The following DEUP1 variants were observed in gnomAD, a reference collection of about 807,000 sequenced individuals.
DEUP1 encodes coiled-coil domain containing 67.
In DEUP1, 82 loss-of-function variants were observed where a neutral mutation model predicts 87.4. The ratio of observed to expected loss-of-function variants is 0.94; its 90% CI spans 0.78 to 1.13. The LOEUF is 1.13. Among genes scored for constraint, DEUP1 ranks in the 50% most tolerant of loss-of-function variants. The pLI is 0.00. For synonymous variants in DEUP1, 214 were observed against 222.7 expected, an observed-to-expected ratio of 0.96 and a Z score of 0.35; for missense variants, 663 against 681.5, an observed-to-expected ratio of 0.97 and a Z score of 0.30.
chr11:93,408,971 C>T (rs1197379434), intron 12 of DEUP1, among the ~76,000 whole-genome samples: 2 of 151,978 alleles, frequency 1.3e-5, no homozygotes, highest in Non-Finnish European at 2.9e-5. Flanking sequence ...ATTCTCATGC[C>T]TCAGCCTCCC....
At chr11:93,340,591 A>G (rs1287911907) in intron 2 of DEUP1, among the ~76,000 whole-genome samples, 1 of 152,200 alleles carries the variant, frequency 6.6e-6, no homozygotes, top group Non-Finnish European at 1.5e-5. Flanking sequence ...GGAAGAATAG[A>G]CCATAGGAGG....
At chr11:93,384,265 C>G (rs1331753525) in intron 7 of DEUP1, among the ~76,000 whole-genome samples, 1 of 152,196 alleles carries the variant, frequency 6.6e-6, no homozygotes, top group African/African-American at 2.4e-5. Flanking sequence ...CCCTGCACTT[C>G]TCCTTCTACT....
At chr11:93,412,592 T>A (rs1947468823) in intron 12 of DEUP1, among the ~76,000 whole-genome samples, 1 of 152,146 alleles carries the variant, frequency 6.6e-6, no homozygotes, top group Non-Finnish European at 1.5e-5. Context: ...TATCTGTACA[T>A]CCAAAGCAAA....
At chr11:93,400,296 C>T (rs908569412) in intron 11 of DEUP1, among the ~76,000 whole-genome samples, 25 of 152,114 alleles carry the variant, frequency 1.6e-4, no homozygotes, top group African/African-American at 6.0e-4. Context: ...CTCTCTGAAA[C>T]CTGTAGAAGA....
intron 7 of DEUP1, among the ~76,000 whole-genome samples, chr11:93,375,977 T>A (rs1946019044): frequency 6.6e-6 from 1 of 152,224 alleles, no homozygotes; most frequent in Admixed American, 6.5e-5. Context: ...TTAAACAGTG[T>A]CTCACTCTGT....
chr11:93,364,527 TA>T (rs371675444), intron 5 of DEUP1, among the ~76,000 whole-genome samples: 46 of 147,058 alleles, frequency 3.1e-4, no homozygotes, highest in African/African-American at 3.2e-4. Flanking sequence ...TTTGGGAGAT[TA>T]AAAAAAAAAG....
intron 4 of DEUP1, 118 bp from the exon 5 acceptor site, chr11:93,364,042 T>C (rs1327699225): frequency 2.8e-6 from 2 of 708,090 alleles, no homozygotes; most frequent in Non-Finnish European, 4.7e-6. Context: ...ATTTAAGCTT[T>C]ACTGCACTTT....
At chr11:93,370,859 T>G (rs1000847133) in intron 6 of DEUP1, among the ~76,000 whole-genome samples, 179 bp from the exon 7 acceptor site, 2 of 152,178 alleles carry the variant, frequency 1.3e-5, no homozygotes, top group Non-Finnish European at 2.9e-5. Flanking sequence ...TTTCTCTATA[T>G]GCCATCTGAA....
intron 12 of DEUP1, 70 bp downstream of exon 12, chr11:93,408,497 C>A: frequency 1.0e-6 from 1 of 995,914 alleles, no homozygotes; most frequent in Non-Finnish European, 1.4e-6. Flanking sequence ...TTAAAGAATT[C>A]AAATTATAAC....
chr11:93,437,444 G>A (rs1197342622), intron 13 of DEUP1, 99 bp from the exon 14 acceptor site: 10 of 817,796 alleles, frequency 1.2e-5, no homozygotes, highest in African/African-American at 5.2e-5. Context: ...TAAGAGCTGC[G>A]GTGTTTGACA....
chr11:93,377,498 TGTGAGTCCTTATGTGTCAG>T (rs1362096127), intron 7 of DEUP1, among the ~76,000 whole-genome samples: 10 of 152,116 alleles, frequency 6.6e-5, no homozygotes, highest in Non-Finnish European at 1.3e-4. Flanking sequence ...CTTAAGTTTG[TGTGAGTCCTTATGTGTCAG>T]GTGAGTCTCT....
chr11:93,333,277 C>G (rs1296103084), intron 2 of DEUP1, among the ~76,000 whole-genome samples: 3 of 152,178 alleles, frequency 2.0e-5, no homozygotes, highest in Non-Finnish European at 4.4e-5. Context: ...GCTGCGCTCA[C>G]CCAAGATACA....
chr11:93,332,031 A>T (rs528855725), intron 1 of DEUP1, among the ~76,000 whole-genome samples, 185 bp from the exon 2 acceptor site: 33 of 152,214 alleles, frequency 2.2e-4, no homozygotes, highest in Admixed American at 1.1e-3. Flanking sequence ...ACAGAGCTAG[A>T]CTCCGTCTCA....
intron 7 of DEUP1, 40 bp downstream of exon 7, chr11:93,371,320 T>C (rs1472809485): frequency 6.3e-7 from 1 of 1,578,828 alleles, no homozygotes; most frequent in Non-Finnish European, 8.6e-7. Flanking sequence ...TGTCCATGAC[T>C]TGTATAAATG....
At chr11:93,354,551 T>C (rs552953825) in intron 2 of DEUP1, among the ~76,000 whole-genome samples, 2 of 152,256 alleles carry the variant, frequency 1.3e-5, no homozygotes, top group Admixed American at 1.3e-4. Context: ...ATACCCGAGA[T>C]TGGGGAGAAA....
chr11:93,340,100 C>T (rs1003678454), intron 2 of DEUP1, among the ~76,000 whole-genome samples: 22 of 152,068 alleles, frequency 1.4e-4, no homozygotes, highest in African/African-American at 5.3e-4. Flanking sequence ...CTCATTGGAG[C>T]TTACAGTCTA....
intron 4 of DEUP1, among the ~76,000 whole-genome samples, chr11:93,360,426 CAAG>C (rs1315870885): frequency 6.6e-6 from 1 of 152,008 alleles, no homozygotes; most frequent in African/African-American, 2.4e-5. Flanking sequence ...TAGAAAGAAC[CAAG>C]AAGATCTCAA....
At chr11:93,373,597 ATATATATTTATATATGTATATATATACG>A (rs1945852125) in intron 7 of DEUP1, among the ~76,000 whole-genome samples, 1 of 111,010 alleles carries the variant, frequency 9.0e-6, no homozygotes, top group African/African-American at 3.1e-5. Context: ...ATATATACGT[ATATATATTTATATATGTATATATATACG>A]TATATATATA....
chr11:93,376,054 A>G (rs939259862), intron 7 of DEUP1, among the ~76,000 whole-genome samples: 10 of 152,250 alleles, frequency 6.6e-5, no homozygotes, highest in African/African-American at 2.2e-4. Context: ...GGTTCAAGCA[A>G]TTCTTCTACC....
Sources: gnomAD v4.1 joint callset for allele counts (sites outside exome capture counted in the v4.1 genomes callset) on GRCh38, gnomAD v4.1.1 for gene constraint, MANE v1.5 for transcripts, NCBI Gene and HGNC (gene_info 2026-07-23, HGNC 2026-07-21) for gene names.